SYTL2: variants seen among roughly 807,000 people sequenced by gnomAD.
The protein encoded by SYTL2 is synaptotagmin-like protein 2.
Under a neutral mutation model 198.7 loss-of-function variants are expected in SYTL2, and 165 were observed. That is an observed-to-expected ratio of 0.83 (90% CI 0.73 to 0.94). The LOEUF (loss-of-function observed/expected upper bound fraction) is 0.94. Among genes scored for constraint, SYTL2 ranks in the 40% least tolerant of loss-of-function variants. SYTL2 has a pLI of 0.00. For synonymous variants in SYTL2, 966 were observed against 917.7 expected (o/e 1.05, Z -0.95); for missense variants, 2,835 against 2,582.8 (o/e 1.10, Z -2.12).
At chr11:85,717,633 A>AG (rs764927175) in intron 10 of SYTL2, 103 bp from the exon 11 acceptor site, 32 of 926,656 alleles carry the variant, frequency 3.5e-5, no homozygotes, top group Non-Finnish European at 5.1e-5. Context: ...GAGACAGCAG[A>AG]ATACATCTGA....
At chr11:85,741,083 T>C (rs943992123) in intron 4 of SYTL2, among the ~76,000 whole-genome samples, 1 of 152,138 alleles carries the variant, frequency 6.6e-6, no homozygotes, top group African/African-American at 2.4e-5. Context: ...TTTTTTTTTT[T>C]TCTTAGCTTA....
chr11:85,827,118 T>A, the SYTL2 span, among the ~76,000 whole-genome samples: 7 of 152,218 alleles, frequency 4.6e-5, no homozygotes, highest in African/African-American at 1.7e-4. Flanking sequence ...ATCATTTTTT[T>A]AATCCATGGA....
At chr11:85,850,707 C>T in the SYTL2 span, among the ~76,000 whole-genome samples, 3 of 150,976 alleles carry the variant, frequency 2.0e-5, no homozygotes, top group Non-Finnish European at 4.4e-5. Context: ...AATCATGCTG[C>T]TATAAAGACA....
intron 2 of SYTL2, among the ~76,000 whole-genome samples, chr11:85,752,947 AAAAAC>A (rs1565984412): frequency 2.1e-5 from 3 of 142,740 alleles, no homozygotes; most frequent in African/African-American, 8.4e-5. Context: ...AAAAAAAAAA[AAAAAC>A]ACAACTAGGT....
chr11:85,768,622 C>G (rs1168160172), intron 1 of SYTL2, among the ~76,000 whole-genome samples: 1 of 152,196 alleles, frequency 6.6e-6, no homozygotes, highest in Non-Finnish European at 1.5e-5. Context: ...GCTACCTTTT[C>G]TATTTACCTC....
chr11:85,739,283 T>A (rs2153504592), intron 4 of SYTL2, among the ~76,000 whole-genome samples: 1 of 150,944 alleles, frequency 6.6e-6, no homozygotes, highest in African/African-American at 2.4e-5. Flanking sequence ...TAATCCATGT[T>A]ATTTGCAAAA....
rs758575086 is a variant in SYTL2, at chr11:85,717,471, C to A, written c.5530+12G>T. The A allele has an allele frequency of 6.2e-7, 1 of 1,610,778 alleles. No homozygotes were observed. Among genetic ancestry groups the A allele is most frequent in the Non-Finnish European group, 8.5e-7 (1 of 1,177,298 alleles). On this transcript the variant is annotated intron_variant, in intron 11 of 19. Transcript: ENST00000359152. Reference sequence around the variant, plus strand: ...ATGTTTAGTCATTTGTGAGAAAGATCCTGCTACTCACTTCTTGGTACGCAT... The same window carrying A: ...ATGTTTAGTCATTTGTGAGAAAGATACTGCTACTCACTTCTTGGTACGCAT...
chr11:85,815,855 C>T (rs1268531419), upstream of SYTL2, among the ~76,000 whole-genome samples: 1 of 152,130 alleles, frequency 6.6e-6, no homozygotes, highest in East Asian at 1.9e-4. Flanking sequence ...TTTCATATGG[C>T]CTTCCTTTAA....
intron 9 of SYTL2, chr11:85,719,397 T>G: frequency 2.0e-6 from 2 of 979,212 alleles, no homozygotes; most frequent in Non-Finnish European, 2.5e-6. Context: ...CAGCTGATGG[T>G]GATTTTTTTT....
intron 8 of SYTL2, among the ~76,000 whole-genome samples, chr11:85,722,682 ACATTAATTAAT>A (rs1290721255): frequency 4.6e-5 from 7 of 151,862 alleles, no homozygotes; most frequent in Non-Finnish European, 7.4e-5. Context: ...TCTTGCCATT[ACATTAATTAAT>A]TATTAATTAA....
chr11:85,752,929 A>AAC (rs2091611543), intron 2 of SYTL2, among the ~76,000 whole-genome samples: 1 of 130,654 alleles, frequency 7.7e-6, no homozygotes, highest in Non-Finnish European at 1.6e-5. Flanking sequence ...AAAAAAAAAA[A>AAC]AAAAAAAAAA....
rs1396015864 is a variant in SYTL2 at position 85,734,519 on chromosome 11, C to T, written c.810G>A (p.Pro270=). The T allele has an allele frequency of 3.7e-6, 6 of 1,614,076 alleles. No homozygotes were observed. In the South Asian group the frequency reaches 4.4e-5, roughly 12 times the overall value. Residue 270 remains proline, a synonymous_variant, in exon 7 of 20, where the codon CCG becomes CCA. Transcript: ENST00000359152. ...TGGAGTTGCGCTTGAGGATCCCTCT[C>T]GGAGCCCCTCTCGCTTTCAGGGAGT... is the stretch of plus-strand genomic sequence containing the variant. ...RTDSLKARGA[P]RGILKRNSSS...
chr11:85,774,168 CAATT>C (rs1486478781), intron 1 of SYTL2, among the ~76,000 whole-genome samples: 1 of 152,100 alleles, frequency 6.6e-6, no homozygotes, highest in Non-Finnish European at 1.5e-5. Context: ...TAAATTAATG[CAATT>C]AATTGGTAGG....
At chr11:85,795,530 T>G (rs745804512) in intron 1 of SYTL2, among the ~76,000 whole-genome samples, 1 of 152,178 alleles carries the variant, frequency 6.6e-6, no homozygotes, top group Non-Finnish European at 1.5e-5. Flanking sequence ...TCACTGTATT[T>G]TCTAGAGCCC....
intron 7 of SYTL2, among the ~76,000 whole-genome samples, chr11:85,731,121 T>C (rs2089772656): frequency 6.6e-6 from 1 of 152,168 alleles, no homozygotes; most frequent in Non-Finnish European, 1.5e-5. Context: ...TCCATGCTCA[T>C]GGATAGGAAG....
At position 85,725,069 on chromosome 11, in the gene SYTL2, C is replaced by G. The variant is rs753249119; in HGVS notation, c.4289G>C (p.Arg1430Thr). Reference protein sequence around the residue: ...WATMDTIVPDRKDFYSSNVVP... With the variant: ...WATMDTIVPDTKDFYSSNVVP... Reference sequence around the variant, plus strand: ...TACATTGGAGGAATAAAAATCCTTCCTGTCTGGAACTATGGTGTCCATCGT... The same window carrying G: ...TACATTGGAGGAATAAAAATCCTTCGTGTCTGGAACTATGGTGTCCATCGT... The change falls in exon 8 of 20, where the codon AGG becomes ACG. Residue 1430 changes from arginine to threonine, a missense_variant. Around this residue, in one of 3 missense-constraint regions of SYTL2, gnomAD observed 2,645 missense variants for 2,381.7 expected, o/e 1.11. Transcript: ENST00000359152. 6.2e-7 allele frequency: 1 copy of G among 1,614,130 alleles called. No homozygotes were observed. The highest frequency in any genetic ancestry group is 8.5e-7 in the Non-Finnish European group (1 of 1,180,004).
chr11:85,802,220 C>CTTTTTTTTTTT (rs5793172), intron 1 of SYTL2, among the ~76,000 whole-genome samples: 10 of 122,588 alleles, frequency 8.2e-5, no homozygotes, highest in African/African-American at 1.8e-4. Flanking sequence ...TTTTTCTTTT[C>CTTTTTTTTTTT]TTTTTTTTTT....
intron 11 of SYTL2, 77 bp downstream of exon 11, chr11:85,717,406 T>C (rs1256821458): frequency 1.6e-6 from 2 of 1,215,190 alleles, no homozygotes; most frequent in Non-Finnish European, 2.4e-6. Context: ...GTGTTATTAA[T>C]GGGGTTAGTT....
In SYTL2 at chr11:85,711,176, G is replaced by T; in HGVS notation, c.5682C>A (p.His1894Gln). Residue 1894 changes from histidine to glutamine, a missense_variant, in exon 13 of 20, where the codon CAC becomes CAA. Around this residue, in one of 3 missense-constraint regions of SYTL2, gnomAD observed 2,645 missense variants for 2,381.7 expected, o/e 1.11. Coordinates refer to ENST00000359152, the MANE Select transcript of SYTL2 (RefSeq NM_206927.4). ...TGGTTAAAGAGCTCGGGCTCTTCTTGTGTCTGCTGAGCTGGTAACTGCTTT... is the reference window on the plus strand; with the variant it reads ...TGGTTAAAGAGCTCGGGCTCTTCTTTTGTCTGCTGAGCTGGTAACTGCTTT... ...ASESSYQLSR[H>Q]KKSPSSLTNL... The T allele has an allele frequency of 6.2e-7, 1 of 1,614,048 alleles. No homozygotes were observed. The highest frequency in any genetic ancestry group is 8.5e-7 in the Non-Finnish European group (1 of 1,179,934).
Sources: gnomAD v4.1 joint callset for allele counts (sites outside exome capture counted in the v4.1 genomes callset) on GRCh38, gnomAD v4.1.1 for gene constraint, gnomAD v4.1.1 regional missense constraint, MANE v1.5 for transcripts, NCBI Gene and HGNC (gene_info 2026-07-23, HGNC 2026-07-21) for gene names.